LRP1B: variants seen among roughly 807,000 people sequenced by gnomAD.
LRP1B encodes LDL receptor related protein 1B.
A neutral mutation model predicts 556.6 loss-of-function variants in LRP1B; 217 were observed. The ratio of observed to expected loss-of-function variants is 0.39; its 90% CI spans 0.35 to 0.44. The LOEUF is 0.44. Among genes scored for constraint, LRP1B ranks in the 20% least tolerant of loss-of-function variants. The probability of loss-of-function intolerance (pLI) is 1.00; values close to 1 mark genes in which losing one functional copy is unlikely to be tolerated. For synonymous variants in LRP1B, 2,047 were observed against 1,865.8 expected (o/e 1.10, Z -2.50); for missense variants, 5,053 against 5,620.8 (o/e 0.90, Z 3.23).
chr2:141,140,078 A>C (rs1173451688), intron 7 of LRP1B, among the ~76,000 whole-genome samples: 1 of 152,092 alleles, frequency 6.6e-6, no homozygotes, highest in Non-Finnish European at 1.5e-5. Flanking sequence ...TGGGTGAAAG[A>C]AGCCAGGCGA....
intron 2 of LRP1B, among the ~76,000 whole-genome samples, chr2:141,539,675 C>T (rs990482784): frequency 1.2e-4 from 19 of 152,104 alleles, no homozygotes; most frequent in South Asian, 1.0e-3. Context: ...ATATTTTAGG[C>T]TTTGAAGACC....
chr2:140,809,582 C>G (rs977781435), intron 32 of LRP1B, among the ~76,000 whole-genome samples: 2 of 152,162 alleles, frequency 1.3e-5, no homozygotes, highest in Non-Finnish European at 1.5e-5. Flanking sequence ...AAGATTTGAA[C>G]TTCTAAGTCT....
chr2:142,055,054 T>C (rs1188043444), intron 1 of LRP1B, among the ~76,000 whole-genome samples: 1 of 152,126 alleles, frequency 6.6e-6, no homozygotes, highest in African/African-American at 2.4e-5. Flanking sequence ...CAAATATACA[T>C]TATGCTGCTT....
intron 1 of LRP1B, among the ~76,000 whole-genome samples, chr2:141,972,814 GAATTA>G (rs1251425458): frequency 5.3e-5 from 8 of 151,506 alleles, no homozygotes; most frequent in East Asian, 3.9e-4. Flanking sequence ...AAATCAACTT[GAATTA>G]AAGTATCAAC....
chr2:140,746,348 T>C (rs1374020503), intron 35 of LRP1B, among the ~76,000 whole-genome samples: 1 of 152,194 alleles, frequency 6.6e-6, no homozygotes, highest in Non-Finnish European at 1.5e-5. Context: ...AAACGAATCA[T>C]TTTTAATCTA....
chr2:141,077,085 A>C (rs934579871), intron 7 of LRP1B, among the ~76,000 whole-genome samples: 1 of 152,102 alleles, frequency 6.6e-6, no homozygotes, highest in African/African-American at 2.4e-5. Context: ...GCTTTACTAA[A>C]AATATTTTAA....
At chr2:141,495,348 T>C (rs1683474629) in intron 2 of LRP1B, among the ~76,000 whole-genome samples, 1 of 152,110 alleles carries the variant, frequency 6.6e-6, no homozygotes, top group Non-Finnish European at 1.5e-5. Context: ...TGACCACTCA[T>C]ACCCATGGTA....
chr2:142,130,802 G>C lies in LRP1B; in HGVS notation c.-73C>G. The C allele has an allele frequency of 8.1e-7, 1 of 1,229,336 alleles. No homozygotes were observed. The highest frequency in any genetic ancestry group is 1.2e-6 in the Non-Finnish European group (1 of 849,398). 76.2% of individuals were successfully genotyped at this position (1,229,336 alleles called of 1,614,324 possible). ...CCTTCGGCCCGGCGGCGGCGGCGGC[G>C]GCAGGGGCCGCTTGGAGCCTGGAAT... On this transcript the variant is annotated 5_prime_UTR_variant, in exon 1 of 91. Coordinates refer to ENST00000389484, the MANE Select transcript of LRP1B (RefSeq NM_018557.3).
At chr2:141,205,755 A>T (rs1682247757) in intron 6 of LRP1B, among the ~76,000 whole-genome samples, 1 of 152,234 alleles carries the variant, frequency 6.6e-6, no homozygotes, top group Admixed American at 6.5e-5. Flanking sequence ...TCTTTGAAAA[A>T]AATTTAACTA....
At chr2:141,413,063 C>T (rs183045225) in intron 3 of LRP1B, among the ~76,000 whole-genome samples, 138 of 152,092 alleles carry the variant, frequency 9.1e-4, no homozygotes, top group African/African-American at 3.2e-3. Context: ...CCCATCTCTA[C>T]AAAAATGTTT....
intron 3 of LRP1B, among the ~76,000 whole-genome samples, chr2:141,479,745 A>G (rs1682847199): frequency 6.6e-6 from 1 of 151,872 alleles, no homozygotes; most frequent in African/African-American, 2.4e-5. Flanking sequence ...TCTTCATCTC[A>G]TGTTTCATTC....
intron 49 of LRP1B, among the ~76,000 whole-genome samples, chr2:140,523,155 G>A (rs1340717755): frequency 6.6e-6 from 1 of 151,876 alleles, no homozygotes; most frequent in Admixed American, 6.6e-5. Flanking sequence ...CAAAATACTA[G>A]CAAACCAAAT....
chr2:141,493,556 A>G (rs149315105), intron 2 of LRP1B, among the ~76,000 whole-genome samples: 5 of 152,222 alleles, frequency 3.3e-5, no homozygotes, highest in Non-Finnish European at 5.9e-5. Context: ...TGTGGGAGAA[A>G]GGGAGAAAGG....
intron 29 of LRP1B, among the ~76,000 whole-genome samples, chr2:140,845,778 G>GT (rs1239341801): frequency 2.6e-5 from 4 of 152,062 alleles, no homozygotes; most frequent in African/African-American, 9.7e-5. Flanking sequence ...TAAAATAGCA[G>GT]TTTAGGCACA....
chr2:141,978,256 A>G (rs905864558), intron 1 of LRP1B, among the ~76,000 whole-genome samples: 13 of 152,080 alleles, frequency 8.5e-5, no homozygotes, highest in African/African-American at 2.9e-4. Context: ...ACTGTTGCCA[A>G]TTACTAAAAA....
At chr2:140,849,802 A>T (rs574477805) in intron 29 of LRP1B, among the ~76,000 whole-genome samples, 1 of 152,276 alleles carries the variant, frequency 6.6e-6, no homozygotes. Context: ...GGCCTCCCAA[A>T]GTGCCGGGAT....
intron 3 of LRP1B, among the ~76,000 whole-genome samples, chr2:141,271,507 A>T (rs545809557): frequency 5.3e-5 from 8 of 152,018 alleles, no homozygotes; most frequent in African/African-American, 1.9e-4. Context: ...AAATATTTAT[A>T]CAAAGAAGTC....
intron 3 of LRP1B, among the ~76,000 whole-genome samples, chr2:141,397,296 G>A (rs1690277680): frequency 1.3e-5 from 2 of 151,522 alleles, no homozygotes; most frequent in African/African-American, 4.8e-5. Context: ...TTCTTTCGTA[G>A]ATATTTCCCT....
At chr2:141,678,720 A>G (rs1333903499) in intron 2 of LRP1B, among the ~76,000 whole-genome samples, 1 of 152,174 alleles carries the variant, frequency 6.6e-6, no homozygotes, top group Non-Finnish European at 1.5e-5. Flanking sequence ...AAAAATATCA[A>G]TAGGTAATTA....
Sources: allele counts gnomAD v4.1 joint callset (sites outside exome capture counted in the v4.1 genomes callset), GRCh38; gene constraint gnomAD v4.1.1; transcripts MANE v1.5; gene names NCBI Gene and HGNC (gene_info 2026-07-23, HGNC 2026-07-21).